LRRC28: variants seen among roughly 807,000 people sequenced by gnomAD.
LRRC28 encodes the protein leucine rich repeat containing 28.
LRRC28 carries 39 observed loss-of-function variants against 45.7 expected under a neutral mutation model. The ratio of observed to expected loss-of-function variants is 0.85; its 90% CI spans 0.66 to 1.12. The LOEUF (loss-of-function observed/expected upper bound fraction) is 1.12. Among genes scored for constraint, LRRC28 ranks in the 50% most tolerant of loss-of-function variants. LRRC28 has a pLI of 0.00. For synonymous variants in LRRC28, 206 were observed against 178.8 expected (o/e 1.15, Z -1.22); for missense variants, 435 against 438.5 (o/e 0.99, Z 0.07).
chr15:99,286,287 C>T (rs941086946), intron 3 of LRRC28, among the ~76,000 whole-genome samples: 8 of 152,116 alleles, frequency 5.3e-5, no homozygotes, highest in East Asian at 3.9e-4. Flanking sequence ...CACGCCACCA[C>T]GCCTGGCTAA....
At chr15:99,268,074 A>G (rs1372743727) in intron 2 of LRRC28, among the ~76,000 whole-genome samples, 1 of 152,132 alleles carries the variant, frequency 6.6e-6, no homozygotes, top group African/African-American at 2.4e-5. Flanking sequence ...TTTGTGGTCC[A>G]GTTAGTTTTG....
In LRRC28 at chr15:99,369,052, G is replaced by GGA. The variant is rs1250516781; in HGVS notation, c.1031+5788_1031+5789dup. 2.0e-5 allele frequency among the ~76,000 whole-genome samples: 3 copies of GGA among 152,114 alleles called. No homozygotes were observed. The East Asian group carries it at 5.8e-4, about 29-fold the overall frequency. Reference sequence around the variant, plus strand: ...CAAGTCCTTTGCTACTTTATAACAAGGATCACCTTTCTTCCAGTTTCCAAT... The same window carrying GGA: ...CAAGTCCTTTGCTACTTTATAACAAGGAGATCACCTTTCTTCCAGTTTCCAAT... On this transcript the variant is annotated intron_variant, in intron 9 of 9. Transcript: ENST00000301981.
intron 2 of LRRC28, among the ~76,000 whole-genome samples, chr15:99,261,365 C>G (rs758011054): frequency 1.3e-5 from 2 of 152,166 alleles, no homozygotes; most frequent in Non-Finnish European, 2.9e-5. Context: ...GCTGCCATAA[C>G]AAAACACCAT....
At chr15:99,330,017 A>G (rs954149757) in intron 5 of LRRC28, among the ~76,000 whole-genome samples, 7 of 152,180 alleles carry the variant, frequency 4.6e-5, no homozygotes, top group Admixed American at 2.0e-4. Flanking sequence ...CCTATCAAGT[A>G]TTGTTAGGTT....
In LRRC28 at chr15:99,362,963, G is replaced by T. The variant is rs1261267581; in HGVS notation, c.872-143G>T. 3 of 853,642 alleles carry T rather than the reference G, an allele frequency of 3.5e-6. No homozygotes were observed. The African/African-American group carries it at 5.1e-5, about 15-fold the overall frequency. The allele number at this position is 853,642 out of a possible 1,614,324, so 52.9% of individuals were successfully genotyped here. On this transcript the variant is annotated intron_variant, in intron 8 of 9. Coordinates refer to ENST00000301981, the MANE Select transcript of LRRC28 (RefSeq NM_144598.5). ...TTTTCAAATGTTAGATTTTTATTCA[G>T]TGTGTATCAATCAGATAACAGAATT...
At chr15:99,313,284 G>A (rs1185854626) in intron 5 of LRRC28, among the ~76,000 whole-genome samples, 2 of 151,810 alleles carry the variant, frequency 1.3e-5, no homozygotes, top group Non-Finnish European at 2.9e-5. Context: ...AATACATGAA[G>A]CAGAAAATGA....
rs2081011090 is a variant in LRRC28 at position 99,256,071 on chromosome 15, G to A, written c.114G>A (p.Glu38=). Residue 38 remains glutamate, a synonymous_variant, in exon 2 of 10, where the codon GAG becomes GAA. Coordinates refer to ENST00000301981, the MANE Select transcript of LRRC28 (RefSeq NM_144598.5). ...TTCCATTGGAGTTACTGAAAGATGA[G>A]GGACTGCAGTACTTGGAGAGACTCT... ...HHFPLELLKD[E]GLQYLERLYM... is the part of the protein sequence containing the mutation. 6.2e-7 allele frequency: 1 copy of A among 1,613,716 alleles called. No individual in the cohort carries two copies. Among genetic ancestry groups the A allele is most frequent in the Non-Finnish European group, 8.5e-7 (1 of 1,179,854 alleles).
chr15:99,266,397 A>G (rs952688824), intron 2 of LRRC28, among the ~76,000 whole-genome samples: 1 of 152,162 alleles, frequency 6.6e-6, no homozygotes, highest in Non-Finnish European at 1.5e-5. Context: ...CATACCAGCT[A>G]CTTGGCTGAG....
intron 9 of LRRC28, among the ~76,000 whole-genome samples, chr15:99,378,099 T>C (rs960574125): frequency 3.9e-5 from 6 of 152,236 alleles, no homozygotes; most frequent in Non-Finnish European, 5.9e-5. Flanking sequence ...GGTAGCTTGA[T>C]GGGAATGGCA....
chr15:99,347,103 T>TGAAC (rs1956708112), intron 6 of LRRC28, among the ~76,000 whole-genome samples: 1 of 152,228 alleles, frequency 6.6e-6, no homozygotes, highest in Non-Finnish European at 1.5e-5. Context: ...ATGTTGTACA[T>TGAAC]TAGATCTCTG....
At chr15:99,336,167 G>A (rs753697536) in intron 6 of LRRC28, among the ~76,000 whole-genome samples, 1 of 152,112 alleles carries the variant, frequency 6.6e-6, no homozygotes, top group Non-Finnish European at 1.5e-5. Context: ...ATTGAGCACC[G>A]AGTCTTCGGC....
intron 7 of LRRC28, among the ~76,000 whole-genome samples, chr15:99,352,853 A>G (rs1424723076): frequency 1.3e-5 from 2 of 152,222 alleles, no homozygotes; most frequent in Non-Finnish European, 2.9e-5. Flanking sequence ...TAGAGGAATC[A>G]GCATTAATTT....
chr15:99,357,660 A>G (rs747049189), intron 7 of LRRC28, among the ~76,000 whole-genome samples: 18 of 152,196 alleles, frequency 1.2e-4, no homozygotes, highest in Non-Finnish European at 2.4e-4. Context: ...AATCACAGCA[A>G]TTGTGACTTG....
chr15:99,299,053 G>T (rs978648287), intron 5 of LRRC28, among the ~76,000 whole-genome samples: 1 of 152,152 alleles, frequency 6.6e-6, no homozygotes, highest in Non-Finnish European at 1.5e-5. Flanking sequence ...TTTAGATGTG[G>T]CATGGAGTAA....
At chr15:99,353,272 T>TC (rs1956943615) in intron 7 of LRRC28, among the ~76,000 whole-genome samples, 1 of 152,312 alleles carries the variant, frequency 6.6e-6, no homozygotes, top group South Asian at 2.1e-4. Context: ...ACTCTCCCCT[T>TC]CTAGTCCCCA....
rs1480799657 is a variant in LRRC28 at position 99,289,909 on chromosome 15, C to T, written c.385+1958C>T. On this transcript the variant is annotated intron_variant, in intron 5 of 9. Transcript: ENST00000301981. ...GATTGCGCCACTGCAGTCCGCAGTCCGGCCTGGGCGACAGAGCAAGACTCC... is the reference window on the plus strand; with the variant it reads ...GATTGCGCCACTGCAGTCCGCAGTCTGGCCTGGGCGACAGAGCAAGACTCC... Among the ~76,000 whole-genome samples, 5 of 117,340 alleles carry T rather than the reference C, an allele frequency of 4.3e-5. No individual in the cohort carries two copies. In the South Asian group the frequency reaches 9.4e-4, roughly 22 times the overall value. 77.0% of individuals were successfully genotyped at this position (117,340 alleles called of 152,430 possible).
intron 2 of LRRC28, among the ~76,000 whole-genome samples, chr15:99,263,503 C>T (rs971728281): frequency 1.3e-5 from 2 of 152,086 alleles, no homozygotes; most frequent in African/African-American, 4.8e-5. Context: ...GGGTTTGTCA[C>T]ATGATAGGTA....
chr15:99,376,413 A>T (rs1957634448), intron 9 of LRRC28, among the ~76,000 whole-genome samples: 1 of 152,118 alleles, frequency 6.6e-6, no homozygotes, highest in South Asian at 2.1e-4. Flanking sequence ...TAGAAATATG[A>T]GTTATTGATT....
At chr15:99,352,926 G>T (rs1430318556) in intron 7 of LRRC28, among the ~76,000 whole-genome samples, 1 of 152,162 alleles carries the variant, frequency 6.6e-6, no homozygotes, top group Non-Finnish European at 1.5e-5. Flanking sequence ...CAGTCCTAGT[G>T]TCTAGGATTT....
Sources: allele counts gnomAD v4.1 joint callset (sites outside exome capture counted in the v4.1 genomes callset), GRCh38; gene constraint gnomAD v4.1.1; transcripts MANE v1.5; gene names NCBI Gene and HGNC (gene_info 2026-07-23, HGNC 2026-07-21).